SIDT1: variants seen among roughly 807,000 people sequenced by gnomAD.
The protein encoded by SIDT1 is SID1 transmembrane family, member 1.
Under a neutral mutation model 107.5 loss-of-function variants are expected in SIDT1, and 101 were observed. The observed-to-expected ratio is 0.94, with a 90% confidence interval of 0.80 to 1.11. The LOEUF is 1.11. Ranked by LOEUF, SIDT1 falls within the 50% of genes least tolerant of loss-of-function variation. The pLI is 0.00. For synonymous variants in SIDT1, 395 were observed against 398.2 expected (o/e 0.99, Z 0.10); for missense variants, 1,076 against 1,058.2 (o/e 1.02, Z -0.23).
Position 113,592,993 on chromosome 3 carries a change from G to T in SIDT1, c.1002-12G>T, listed in dbSNP as rs1479935505. 1 of 1,607,144 alleles carries T rather than the reference G, an allele frequency of 6.2e-7. No homozygotes were observed. Among genetic ancestry groups the T allele is most frequent in the East Asian group, 2.2e-5 (1 of 44,858 alleles). ...CACTGTCTTAGGAGCATGTGTATGT[G>T]CTTGTTTGCAGGTTTCAGAGAAAAT... On this transcript the variant is annotated splice_polypyrimidine_tract_variant and intron_variant, in intron 9 of 24. Transcript: ENST00000264852.
chr3:113,597,474 C>T (rs575844805), intron 10 of SIDT1, among the ~76,000 whole-genome samples: 7 of 131,544 alleles, frequency 5.3e-5, no homozygotes, highest in Admixed American at 2.8e-4. Context: ...TCCAGCCTGG[C>T]GACAGAGCGA....
intron 10 of SIDT1, among the ~76,000 whole-genome samples, chr3:113,599,703 A>G (rs192876617): frequency 7.9e-5 from 12 of 152,360 alleles, no homozygotes; most frequent in Admixed American, 3.9e-4. Flanking sequence ...CATAGAAATA[A>G]GGAGTAGAAC....
At chr3:113,587,671 C>T (rs1943843419) in intron 9 of SIDT1, among the ~76,000 whole-genome samples, 1 of 152,200 alleles carries the variant, frequency 6.6e-6, no homozygotes, top group Non-Finnish European at 1.5e-5. Context: ...TGATGCCCCT[C>T]AACAGTGGGT....
chr3:113,553,033 A>C (rs927394575), intron 1 of SIDT1, among the ~76,000 whole-genome samples: 1 of 152,164 alleles, frequency 6.6e-6, no homozygotes, highest in African/African-American at 2.4e-5. Flanking sequence ...AAGATGTGAC[A>C]GGGGGAAAAG....
At position 113,533,090 on chromosome 3, in the gene SIDT1, G is replaced by C; in HGVS notation, c.69G>C (p.Gly23=). Residue 23 remains glycine, a synonymous_variant, in exon 1 of 25, where the codon GGG becomes GGC. Transcript: ENST00000264852. The part of the protein sequence containing the change: ...LPWLLLAASP[G]HPAKSPRQPP... ...GGCTCCTGCTGGCGGCGTCGCCCGG[G>C]CACCCGGCGAAATCCCCCAGGCAGC... The C allele has an allele frequency of 6.6e-7, 1 of 1,515,100 alleles. No homozygotes were observed. The allele number at this position is 1,515,100 out of a possible 1,614,324, so 93.9% of individuals were successfully genotyped here.
At chr3:113,563,556 C>A (rs548606061) in intron 1 of SIDT1, among the ~76,000 whole-genome samples, 50 of 152,242 alleles carry the variant, frequency 3.3e-4, no homozygotes, top group African/African-American at 1.2e-3. Flanking sequence ...AATGACACTG[C>A]GGGGTGCAAT....
At position 113,532,750 on chromosome 3, in the gene SIDT1, C is replaced by A; in HGVS notation, c.-272C>A. The A allele has an allele frequency of 2.8e-6, 1 of 361,496 alleles. No individual in the cohort carries two copies. Among genetic ancestry groups the A allele is most frequent in the Non-Finnish European group, 4.9e-6 (1 of 202,728 alleles). 22.4% of individuals were successfully genotyped at this position (361,496 alleles called of 1,614,324 possible). A position where few individuals can be genotyped will look rare whatever the true frequency, so the allele number is the denominator to read the frequency against. On this transcript the variant is annotated 5_prime_UTR_variant, in exon 1 of 25. Transcript: ENST00000264852. ...CGATGAGAAACGGGGGACTTAGAAG[C>A]CGGAGGAAAATCAGCAGCCCCACAT... is the stretch of plus-strand genomic sequence containing the variant.
intron 3 of SIDT1, 91 bp downstream of exon 3, chr3:113,567,801 A>G: frequency 1.5e-6 from 2 of 1,320,386 alleles, no homozygotes; most frequent in Non-Finnish European, 2.1e-6. Context: ...GGTACTCTGG[A>G]AGGAAATTAT....
chr3:113,620,258 CT>C (rs1278122322), intron 21 of SIDT1, among the ~76,000 whole-genome samples: 2 of 151,224 alleles, frequency 1.3e-5, no homozygotes, highest in African/African-American at 2.4e-5. Flanking sequence ...CCTCCAGTCT[CT>C]TTCTTTCTAC....
In SIDT1 at chr3:113,619,667, T is replaced by C. The variant is rs1560139205; in HGVS notation, c.2044-13T>C. ...GCAGCCTCTCATTTGATGTTTTCTTTCCTCTTTTCCAGGATAGAATGGTGT... is the reference window on the plus strand; with the variant it reads ...GCAGCCTCTCATTTGATGTTTTCTTCCCTCTTTTCCAGGATAGAATGGTGT... On this transcript the variant is annotated splice_polypyrimidine_tract_variant and intron_variant, in intron 20 of 24. Coordinates refer to ENST00000264852, the MANE Select transcript of SIDT1 (RefSeq NM_017699.3). The C allele has an allele frequency of 6.2e-7, 1 of 1,613,804 alleles. No homozygotes were observed.
chr3:113,601,100 T>C (rs1944929490), intron 10 of SIDT1, among the ~76,000 whole-genome samples: 1 of 152,228 alleles, frequency 6.6e-6, no homozygotes, highest in Admixed American at 6.5e-5. Flanking sequence ...GTCCTTATAA[T>C]TAAAGTTTAA....
intron 11 of SIDT1, chr3:113,601,948 C>T: frequency 3.2e-6 from 1 of 312,632 alleles, no homozygotes; most frequent in African/African-American, 2.2e-5. Flanking sequence ...TCATATCCAG[C>T]CCGGGTTTAG....
At chr3:113,617,434 T>G (rs1312465153) in intron 20 of SIDT1, among the ~76,000 whole-genome samples, 2 of 152,182 alleles carry the variant, frequency 1.3e-5, no homozygotes, top group Non-Finnish European at 2.9e-5. Flanking sequence ...GCCCCAGGCT[T>G]TACAAAGTGC....
Position 113,611,939 on chromosome 3 carries a change from A to G in SIDT1, c.1858-147A>G, listed in dbSNP as rs987976148. 18 of 594,724 alleles carry G rather than the reference A, an allele frequency of 3.0e-5. No homozygotes were observed. In the African/African-American group the frequency reaches 3.2e-4, roughly 11 times the overall value. 36.8% of individuals were successfully genotyped at this position (594,724 alleles called of 1,614,324 possible). ...TTTTTTTTTCCTGTCCCTTGGGAGT[A>G]AGATCCATGGGAGTTTCCAGAGGGG... On this transcript the variant is annotated intron_variant, in intron 18 of 24. Transcript: ENST00000264852.
intron 22 of SIDT1, 22 bp from the exon 23 acceptor site, chr3:113,623,601 G>A (rs1159145098): frequency 2.5e-6 from 4 of 1,602,068 alleles, no homozygotes; most frequent in Non-Finnish European, 3.4e-6. Flanking sequence ...GCGTGAGGCC[G>A]CATCTGCTTC....
the SIDT1 span, among the ~76,000 whole-genome samples, chr3:113,636,367 C>T: frequency 6.6e-6 from 1 of 152,056 alleles, no homozygotes; most frequent in Admixed American, 6.6e-5. Context: ...CGCACCACTG[C>T]ACTACAGCCT....
chr3:113,631,122 A>C (rs900099499), downstream of SIDT1, among the ~76,000 whole-genome samples: 3 of 152,202 alleles, frequency 2.0e-5, no homozygotes, highest in Admixed American at 2.0e-4. Flanking sequence ...GCCAAGTGGG[A>C]AAGCCTGGCT....
At chr3:113,549,427 C>T (rs189274201) in intron 1 of SIDT1, among the ~76,000 whole-genome samples, 161 of 152,270 alleles carry the variant, frequency 1.1e-3, no homozygotes, top group Non-Finnish European at 1.2e-3. Flanking sequence ...TTTGGTGTTA[C>T]CAGAATTTTG....
chr3:113,573,904 A>C (rs556782773), intron 3 of SIDT1, among the ~76,000 whole-genome samples: 1 of 152,186 alleles, frequency 6.6e-6, no homozygotes, highest in African/African-American at 2.4e-5. Context: ...GGTGACTCTT[A>C]CCCTTAGCAA....
Sources: allele counts gnomAD v4.1 joint callset (sites outside exome capture counted in the v4.1 genomes callset), GRCh38; gene constraint gnomAD v4.1.1; transcripts MANE v1.5; gene names NCBI Gene and HGNC (gene_info 2026-07-23, HGNC 2026-07-21).